The following SYT14 variants were observed in gnomAD, a reference collection of about 807,000 sequenced individuals.
SYT14 encodes synaptotagmin-14.
Under a neutral mutation model 74.2 loss-of-function variants are expected in SYT14, and 32 were observed. The observed-to-expected ratio is 0.43, with a 90% CI of 0.33 to 0.58. The LOEUF (loss-of-function observed/expected upper bound fraction) is 0.58, where lower values mean the gene tolerates loss of function less well. Among genes scored for constraint, SYT14 ranks in the 20% least tolerant of loss-of-function variants. SYT14 has a pLI of 0.05. For missense variants in SYT14, 791 were observed against 981.8 expected (o/e 0.81, Z 2.60); for synonymous variants, 298 against 337.7 (o/e 0.88, Z 1.29).
chr1:210,029,121 TGTTG>T (rs1361128387), intron 5 of SYT14, among the ~76,000 whole-genome samples: 1 of 152,196 alleles, frequency 6.6e-6, no homozygotes, highest in African/African-American at 2.4e-5. Flanking sequence ...TTGCATTGTT[TGTTG>T]GTTGGTTGTT....
chr1:210,111,531 G>C (rs544255447), intron 7 of SYT14, among the ~76,000 whole-genome samples: 1 of 151,274 alleles, frequency 6.6e-6, no homozygotes, highest in East Asian at 1.9e-4. Flanking sequence ...GTGGTATGGA[G>C]AGATAATGGG....
At chr1:210,101,889 A>G (rs1270052417) in intron 7 of SYT14, among the ~76,000 whole-genome samples, 1 of 152,112 alleles carries the variant, frequency 6.6e-6, no homozygotes. Context: ...CCAATTAATT[A>G]TGTTTTAATT....
chr1:210,022,364 A>G (rs562583695), intron 5 of SYT14, among the ~76,000 whole-genome samples: 1 of 152,366 alleles, frequency 6.6e-6, no homozygotes, highest in South Asian at 2.1e-4. Context: ...ATTCAAGGGA[A>G]GAAGTAAAAA....
At chr1:209,946,062 G>A (rs889500901) in intron 1 of SYT14, among the ~76,000 whole-genome samples, 1 of 152,022 alleles carries the variant, frequency 6.6e-6, no homozygotes, top group South Asian at 2.1e-4. Flanking sequence ...ATTGTTTTGG[G>A]CGCTACGAGC....
At chr1:209,976,361 C>G (rs4844505) in intron 2 of SYT14, among the ~76,000 whole-genome samples, 1 of 139,202 alleles carries the variant, frequency 7.2e-6, no homozygotes, top group Non-Finnish European at 1.6e-5. Context: ...ATTTCCCTCT[C>G]CACACTGCTT....
At chr1:209,996,268 G>T (rs916137007) in intron 2 of SYT14, among the ~76,000 whole-genome samples, 1 of 151,766 alleles carries the variant, frequency 6.6e-6, no homozygotes, top group Non-Finnish European at 1.5e-5. Flanking sequence ...GACAAAGATG[G>T]CAGTATAACT....
intron 7 of SYT14, among the ~76,000 whole-genome samples, chr1:210,123,370 A>G (rs1303105460): frequency 1.3e-5 from 2 of 152,194 alleles, no homozygotes; most frequent in African/African-American, 4.8e-5. Context: ...GAGATAACTG[A>G]GCATAAAGTG....
chr1:210,157,167 C>T (rs552580051), intron 8 of SYT14, among the ~76,000 whole-genome samples: 7 of 152,134 alleles, frequency 4.6e-5, no homozygotes, highest in South Asian at 4.1e-4. Context: ...GGGGTCCAGG[C>T]GCAGTACCTC....
chr1:209,969,475 GT>G (rs1280883371), intron 2 of SYT14, among the ~76,000 whole-genome samples: 3 of 142,966 alleles, frequency 2.1e-5, no homozygotes, highest in Non-Finnish European at 3.1e-5. Flanking sequence ...ATTGTGGGTT[GT>G]TTTTTCTTTC....
chr1:210,057,060 G>A (rs2081113378), intron 5 of SYT14, among the ~76,000 whole-genome samples: 3 of 152,074 alleles, frequency 2.0e-5, no homozygotes, highest in African/African-American at 4.8e-5. Context: ...GGCCAGGTTG[G>A]TCTGGAACTC....
At chr1:209,978,846 G>C (rs1207429332) in intron 2 of SYT14, among the ~76,000 whole-genome samples, 1 of 152,202 alleles carries the variant, frequency 6.6e-6, no homozygotes, top group Non-Finnish European at 1.5e-5. Flanking sequence ...GCTGTGCTGG[G>C]CTCCACCCAG....
chr1:210,057,293 A>G (rs1311617450), intron 5 of SYT14, among the ~76,000 whole-genome samples: 2 of 152,180 alleles, frequency 1.3e-5, no homozygotes, highest in Non-Finnish European at 2.9e-5. Context: ...TTTGGTCATC[A>G]TGCATCATGG....
chr1:210,013,561 T>G, intron 2 of SYT14, 72 bp from the exon 3 acceptor site: 2 of 1,388,344 alleles, frequency 1.4e-6, no homozygotes, highest in Non-Finnish European at 2.0e-6. Context: ...TAACTTAATG[T>G]TTGGGGTTTC....
intron 7 of SYT14, among the ~76,000 whole-genome samples, chr1:210,109,275 G>A (rs1353673536): frequency 1.3e-5 from 2 of 151,928 alleles, no homozygotes; most frequent in African/African-American, 4.8e-5. Context: ...TTAGAATGGC[G>A]ATCATTAAAA....
intron 7 of SYT14, among the ~76,000 whole-genome samples, chr1:210,148,282 G>C (rs1258859001): frequency 6.6e-6 from 1 of 152,146 alleles, no homozygotes; most frequent in African/African-American, 2.4e-5. Flanking sequence ...GCCGAGGTGG[G>C]CGGATCACGA....
At chr1:210,024,924 G>A (rs170557) in intron 5 of SYT14, among the ~76,000 whole-genome samples, 51,720 of 151,404 alleles carry the variant, frequency 0.34, 9,883 homozygotes, top group Non-Finnish European at 0.42. Context: ...CCTTTGTCCA[G>A]TAGAAGTTGA....
At chr1:209,959,478 A>G (rs1443233095) in intron 2 of SYT14, among the ~76,000 whole-genome samples, 1 of 152,190 alleles carries the variant, frequency 6.6e-6, no homozygotes, top group African/African-American at 2.4e-5. Flanking sequence ...AAAGGGAAAC[A>G]ACCTAAATAT....
Position 209,978,485 on chromosome 1 carries a change from G to T in SYT14, c.-486+25729G>T, listed in dbSNP as rs539829146. 1.4e-3 allele frequency among the ~76,000 whole-genome samples: 220 copies of T among 152,336 alleles called. 1 individual carries two copies. The highest frequency in any genetic ancestry group is 5.0e-3 in the African/African-American group (209 of 41,576). ...TAGAGGTCCACTCCAGACCCTGTTT[G>T]CCTGGGTATCAGCAGCAGAGGCTGC... On this transcript the variant is annotated intron_variant, in intron 2 of 9. Coordinates refer to ENST00000637265, the Ensembl canonical transcript of SYT14.
chr1:209,978,208 C>A (rs562514372), intron 2 of SYT14, among the ~76,000 whole-genome samples: 2 of 151,960 alleles, frequency 1.3e-5, no homozygotes, highest in Non-Finnish European at 2.9e-5. Context: ...CTCAACTCAT[C>A]GAAGTCATTC....
Sources: allele counts gnomAD v4.1 joint callset (sites outside exome capture counted in the v4.1 genomes callset), GRCh38; gene constraint gnomAD v4.1.1; transcripts MANE v1.5; gene names NCBI Gene and HGNC (gene_info 2026-07-23, HGNC 2026-07-21).